FHIT: variants seen among roughly 807,000 people sequenced by gnomAD.
FHIT encodes bis(5'-adenosyl)-triphosphatase.
In FHIT, 19 loss-of-function variants were observed where a neutral mutation model predicts 17.9. That is an observed-to-expected ratio of 1.06 (90% CI 0.74 to 1.56). FHIT has a LOEUF of 1.56. Ranked by LOEUF, FHIT falls within the 40% of genes most tolerant of loss-of-function variation. The pLI, the probability that FHIT is intolerant of heterozygous loss-of-function variation, is 0.00. For missense variants in FHIT, 248 were observed against 189.2 expected (o/e 1.31, Z -1.82); for synonymous variants, 81 against 69.7 (o/e 1.16, Z -0.81).
chr3:60,417,094 GAA>G (rs34479858), intron 5 of FHIT, among the ~76,000 whole-genome samples: 14 of 98,780 alleles, frequency 1.4e-4, no homozygotes, highest in African/African-American at 4.2e-4. Flanking sequence ...ATCTCAGAAA[GAA>G]AAAAAAAAAA....
chr3:60,494,114 A>G (rs142789730), intron 5 of FHIT, among the ~76,000 whole-genome samples: 1 of 152,334 alleles, frequency 6.6e-6, no homozygotes, highest in East Asian at 1.9e-4. Flanking sequence ...GGCATTTTGT[A>G]CATTCACAAT....
chr3:60,551,724 C>A (rs79122802), intron 4 of FHIT, among the ~76,000 whole-genome samples: 12,667 of 148,856 alleles, frequency 0.085, 1,167 homozygotes, highest in African/African-American at 0.22. Context: ...TGCCCCTGCA[C>A]TCTAGCCTGG....
At chr3:60,976,885 T>G (rs939534548) in intron 3 of FHIT, among the ~76,000 whole-genome samples, 4 of 152,038 alleles carry the variant, frequency 2.6e-5, no homozygotes, top group Non-Finnish European at 5.9e-5. Context: ...ATACTTGTTT[T>G]TTTTTTTTTA....
intron 4 of FHIT, among the ~76,000 whole-genome samples, chr3:60,634,818 A>T (rs1277928937): frequency 6.6e-6 from 1 of 152,230 alleles, no homozygotes; most frequent in Non-Finnish European, 1.5e-5. Flanking sequence ...TTTAAAAGTC[A>T]CAGGGATTTG....
chr3:60,924,335 G>A (rs966435459), intron 3 of FHIT, among the ~76,000 whole-genome samples: 4 of 152,218 alleles, frequency 2.6e-5, no homozygotes, highest in South Asian at 2.1e-4. Flanking sequence ...CACCTCACAC[G>A]GCCGGGTACT....
chr3:60,064,006 C>T lies in FHIT; in HGVS notation c.104-49854G>A, dbSNP rs192897182. On this transcript the variant is annotated intron_variant, in intron 5 of 9. Transcript: ENST00000492590. Reference sequence around the variant, plus strand: ...ATTTAAGTAAAGATTTTAAAGGCTCCGTGTCGTTTTGTTTAGATGTCAACA... The same window carrying T: ...ATTTAAGTAAAGATTTTAAAGGCTCTGTGTCGTTTTGTTTAGATGTCAACA... Among the ~76,000 whole-genome samples, 878 of 152,086 alleles carry T rather than the reference C, an allele frequency of 5.8e-3. 15 individuals are homozygous for T. Among genetic ancestry groups the T allele is most frequent in the Non-Finnish European group, 4.5e-3 (308 of 68,000 alleles).
Position 60,504,149 on chromosome 3 carries a change from T to A in FHIT, c.103+32711A>T, listed in dbSNP as rs146182656. Among the ~76,000 whole-genome samples, 687 of 152,226 alleles carry A rather than the reference T, an allele frequency of 4.5e-3. 5 individuals carry two copies. Among genetic ancestry groups the A allele is most frequent in the Non-Finnish European group, 8.5e-3 (578 of 68,008 alleles). On this transcript the variant is annotated intron_variant, in intron 5 of 9. Coordinates refer to ENST00000492590, the MANE Select transcript of FHIT (RefSeq NM_002012.4). ...CAATGTCAGTCACACTTAAAAAGATTTTTTGGCCGGGCAGCGTGCCTCACG... is the reference window on the plus strand; with the variant it reads ...CAATGTCAGTCACACTTAAAAAGATATTTTGGCCGGGCAGCGTGCCTCACG...
chr3:60,214,255 C>T (rs952314593), intron 5 of FHIT, among the ~76,000 whole-genome samples: 1 of 152,090 alleles, frequency 6.6e-6, no homozygotes, highest in Admixed American at 6.5e-5. Flanking sequence ...CCTCATTATA[C>T]TAAAGATGAA....
intron 5 of FHIT, among the ~76,000 whole-genome samples, chr3:60,063,508 C>A (rs1559596732): frequency 6.6e-6 from 1 of 152,126 alleles, no homozygotes; most frequent in Non-Finnish European, 1.5e-5. Context: ...AAAGCAGAGG[C>A]CCAGAGTGAC....
chr3:59,761,955 C>A (rs548011619), intron 8 of FHIT, among the ~76,000 whole-genome samples: 49 of 152,250 alleles, frequency 3.2e-4, no homozygotes, highest in African/African-American at 1.1e-3. Flanking sequence ...TTCACCTTTT[C>A]TCTTAAATAC....
At chr3:60,808,095 A>G (rs1368158669) in intron 4 of FHIT, among the ~76,000 whole-genome samples, 2 of 152,196 alleles carry the variant, frequency 1.3e-5, no homozygotes, top group South Asian at 2.1e-4. Context: ...ATCCACTACT[A>G]TGACTGCAAT....
At chr3:60,117,016 G>C (rs182625995) in intron 5 of FHIT, among the ~76,000 whole-genome samples, 293 of 152,188 alleles carry the variant, frequency 1.9e-3, no homozygotes, top group African/African-American at 6.6e-3. Flanking sequence ...ACATCTTCTA[G>C]GGAGATCCAC....
chr3:60,754,038 G>A (rs1189552826), intron 4 of FHIT, among the ~76,000 whole-genome samples: 2 of 152,156 alleles, frequency 1.3e-5, no homozygotes, highest in African/African-American at 4.8e-5. Flanking sequence ...CCTTTGGGAG[G>A]AGATCTGTTT....
At chr3:60,704,071 C>T (rs1271186994) in intron 4 of FHIT, among the ~76,000 whole-genome samples, 1 of 152,026 alleles carries the variant, frequency 6.6e-6, no homozygotes, top group Non-Finnish European at 1.5e-5. Flanking sequence ...TACCATCTTC[C>T]TCCCACACGA....
intron 5 of FHIT, among the ~76,000 whole-genome samples, chr3:60,028,931 T>C (rs993397974): frequency 1.3e-5 from 2 of 152,144 alleles, no homozygotes; most frequent in Non-Finnish European, 2.9e-5. Context: ...ATCCACACTT[T>C]AGGAGGGATT....
At chr3:59,795,002 T>C (rs1295767067) in intron 8 of FHIT, among the ~76,000 whole-genome samples, 1 of 151,904 alleles carries the variant, frequency 6.6e-6, no homozygotes. Flanking sequence ...TAATGGAACT[T>C]ACTTACTTAC....
chr3:60,247,935 AC>A (rs200696406), intron 5 of FHIT, among the ~76,000 whole-genome samples: 2,119 of 152,288 alleles, frequency 0.014, 54 homozygotes, highest in African/African-American at 0.049. Context: ...AAAGGGAACT[AC>A]AAGTAATTTT....
chr3:60,898,452 T>G (rs1021995215), intron 3 of FHIT, among the ~76,000 whole-genome samples: 1 of 152,186 alleles, frequency 6.6e-6, no homozygotes, highest in East Asian at 1.9e-4. Flanking sequence ...CCACCAGCAG[T>G]GTATGGTGGG....
At chr3:60,872,573 T>C (rs1704458527) in intron 3 of FHIT, among the ~76,000 whole-genome samples, 1 of 152,188 alleles carries the variant, frequency 6.6e-6, no homozygotes, top group African/African-American at 2.4e-5. Context: ...TTCCTGGCTT[T>C]TGAACAGAAA....
Sources: allele counts gnomAD v4.1 joint callset (sites outside exome capture counted in the v4.1 genomes callset), GRCh38; gene constraint gnomAD v4.1.1; transcripts MANE v1.5; gene names NCBI Gene and HGNC (gene_info 2026-07-23, HGNC 2026-07-21).